SMYD3: variants seen among roughly 807,000 people sequenced by gnomAD.
SMYD3 encodes SET and MYND domain containing 3.
In SMYD3, 36 loss-of-function variants were observed where a neutral mutation model predicts 57.7. The observed-to-expected ratio is 0.62, with a 90% CI of 0.48 to 0.82. The LOEUF (loss-of-function observed/expected upper bound fraction) is 0.82, where lower values mean the gene tolerates loss of function less well. SMYD3 is among the 40% of genes least tolerant of loss of function. The probability of loss-of-function intolerance (pLI) is 0.00; values close to 1 mark genes in which losing one functional copy is unlikely to be tolerated. For missense variants in SMYD3, 515 were observed against 538.8 expected (o/e 0.96, Z 0.44); for synonymous variants, 211 against 195.0 (o/e 1.08, Z -0.68).
At chr1:246,237,897 T>C (rs1236359889) in intron 5 of SMYD3, among the ~76,000 whole-genome samples, 1 of 152,226 alleles carries the variant, frequency 6.6e-6, no homozygotes, top group African/African-American at 2.4e-5. Flanking sequence ...CCCCCATTGA[T>C]TAAATTACCC....
At chr1:246,147,613 T>C (rs1209286519) in intron 5 of SMYD3, among the ~76,000 whole-genome samples, 1 of 151,552 alleles carries the variant, frequency 6.6e-6, no homozygotes, top group Non-Finnish European at 1.5e-5. Context: ...CTTCCTGCTC[T>C]ATGGAGCAGG....
intron 10 of SMYD3, among the ~76,000 whole-genome samples, chr1:245,849,975 GA>G: frequency 1.6e-5 from 2 of 122,148 alleles, no homozygotes; most frequent in East Asian, 4.4e-4. Context: ...TGATGACAGA[GA>G]GAAAAGGTAT....
chr1:246,242,388 T>C (rs999480407), intron 5 of SMYD3, among the ~76,000 whole-genome samples: 1 of 152,230 alleles, frequency 6.6e-6, no homozygotes, highest in Non-Finnish European at 1.5e-5. Context: ...AGTTTCCATG[T>C]AGTTGAGCGG....
At chr1:246,361,125 A>C (rs1480008977) in intron 1 of SMYD3, among the ~76,000 whole-genome samples, 1 of 152,244 alleles carries the variant, frequency 6.6e-6, no homozygotes. Context: ...TCCATCAAAA[A>C]GTGGGCTAAA....
At chr1:245,884,166 G>A (rs9287193) in intron 8 of SMYD3, among the ~76,000 whole-genome samples, 61,011 of 151,910 alleles carry the variant, frequency 0.4, 15,478 homozygotes, top group East Asian at 0.75. Context: ...TCAGTACATC[G>A]AATCCAAATA....
At chr1:246,506,264 A>T (rs1017997187) in intron 1 of SMYD3, among the ~76,000 whole-genome samples, 1 of 152,192 alleles carries the variant, frequency 6.6e-6, no homozygotes, top group Non-Finnish European at 1.5e-5. Context: ...CATTTCCATA[A>T]ATTGCTTTCA....
chr1:246,198,999 T>G (rs2062867342), intron 5 of SMYD3, among the ~76,000 whole-genome samples: 1 of 152,098 alleles, frequency 6.6e-6, no homozygotes, highest in Admixed American at 6.5e-5. Context: ...GATTCGGGGG[T>G]ACATCCACAG....
chr1:245,846,914 GTTA>G (rs2050693957), intron 10 of SMYD3, among the ~76,000 whole-genome samples: 1 of 152,176 alleles, frequency 6.6e-6, no homozygotes, highest in Admixed American at 6.5e-5. Context: ...GAAGGGCAGT[GTTA>G]TTATGATTGG....
chr1:246,070,796 T>C (rs543669584), intron 5 of SMYD3, among the ~76,000 whole-genome samples: 179 of 152,318 alleles, frequency 1.2e-3, no homozygotes, highest in African/African-American at 4.2e-3. Context: ...TGCTTAAGGG[T>C]CAGCAGAACA....
At chr1:245,906,368 T>C (rs1051151261) in intron 8 of SMYD3, among the ~76,000 whole-genome samples, 11 of 152,106 alleles carry the variant, frequency 7.2e-5, no homozygotes, top group African/African-American at 2.4e-4. Context: ...AAAGAAGACA[T>C]ACACATGGCA....
chr1:245,917,840 C>T (rs997623524), intron 7 of SMYD3, among the ~76,000 whole-genome samples: 5 of 152,126 alleles, frequency 3.3e-5, no homozygotes, highest in Non-Finnish European at 5.9e-5. Context: ...CAGGATTATC[C>T]ACTGAAGGGA....
intron 5 of SMYD3, among the ~76,000 whole-genome samples, chr1:246,100,175 C>T (rs951622565): frequency 1.3e-5 from 2 of 152,174 alleles, no homozygotes; most frequent in South Asian, 4.1e-4. Context: ...TGCGCCATTG[C>T]ACTCTAGCCT....
rs902955384 is a variant in SMYD3 at position 246,396,484 on chromosome 1, A to G, written c.165-41390T>C. Among the ~76,000 whole-genome samples, 3 of 152,226 alleles carry G rather than the reference A, an allele frequency of 2.0e-5. No homozygotes were observed. The East Asian group carries it at 5.8e-4, about 29-fold the overall frequency. On this transcript the variant is annotated intron_variant, in intron 1 of 11. Coordinates refer to ENST00000490107, the MANE Select transcript of SMYD3 (RefSeq NM_001167740.2). Reference sequence around the variant, plus strand: ...AACTGGATATACATCATCAACGCACACTGGACTAATTCAGGATAACTTTCC... The same window carrying G: ...AACTGGATATACATCATCAACGCACGCTGGACTAATTCAGGATAACTTTCC...
chr1:246,190,530 G>A (rs1055629937), intron 5 of SMYD3, among the ~76,000 whole-genome samples: 4 of 147,600 alleles, frequency 2.7e-5, no homozygotes, highest in Non-Finnish European at 6.0e-5. Flanking sequence ...GGTTGCAGTG[G>A]GCCAAGATCG....
chr1:246,348,077 T>TACACACACACATACATAC (rs1553336559), intron 2 of SMYD3, among the ~76,000 whole-genome samples: 1 of 86,486 alleles, frequency 1.2e-5, no homozygotes, highest in Non-Finnish European at 2.6e-5. Flanking sequence ...TATATATATA[T>TACACACACACATACATAC]ACACACACAC....
chr1:246,238,275 C>G (rs1483435078), intron 5 of SMYD3, among the ~76,000 whole-genome samples: 2 of 152,172 alleles, frequency 1.3e-5, no homozygotes, highest in Non-Finnish European at 2.9e-5. Flanking sequence ...AAGCAATCTG[C>G]CCGCCTGAGC....
At chr1:246,342,697 G>A (rs1031869807) in intron 2 of SMYD3, among the ~76,000 whole-genome samples, 2 of 152,118 alleles carry the variant, frequency 1.3e-5, no homozygotes, top group Non-Finnish European at 2.9e-5. Flanking sequence ...AATCAAATTA[G>A]ATGAATAGAG....
At chr1:245,753,122 CA>C (rs1421290608) in intron 11 of SMYD3, among the ~76,000 whole-genome samples, 1 of 151,982 alleles carries the variant, frequency 6.6e-6, no homozygotes, top group East Asian at 1.9e-4. Context: ...CAAAGGGGAA[CA>C]GGGGCAACCC....
intron 5 of SMYD3, among the ~76,000 whole-genome samples, chr1:245,931,854 T>C (rs1312256792): frequency 2.0e-5 from 3 of 152,212 alleles, no homozygotes; most frequent in Non-Finnish European, 4.4e-5. Context: ...TAGCATGATT[T>C]GGCTTTTTTC....
Sources: allele counts gnomAD v4.1 joint callset (sites outside exome capture counted in the v4.1 genomes callset), GRCh38; gene constraint gnomAD v4.1.1; transcripts MANE v1.5; gene names NCBI Gene and HGNC (gene_info 2026-07-23, HGNC 2026-07-21).